Variants in NPAS2 observed in about 807,000 individuals in gnomAD.
The protein encoded by NPAS2 is neuronal PAS domain-containing protein 2.
NPAS2 carries 23 observed loss-of-function variants against 107.5 expected under a neutral mutation model. The observed-to-expected ratio is 0.21, with a 90% CI of 0.15 to 0.30. The LOEUF is 0.30. Ranked by LOEUF, NPAS2 falls within the 10% of genes least tolerant of loss-of-function variation. The pLI, the probability that NPAS2 is intolerant of heterozygous loss-of-function variation, is 1.00. For synonymous variants in NPAS2, 403 were observed against 417.5 expected (o/e 0.97, Z 0.42); for missense variants, 756 against 1,043.3 (o/e 0.72, Z 3.79).
intron 1 of NPAS2, among the ~76,000 whole-genome samples, chr2:100,877,627 T>C (rs552585403): frequency 1.3e-5 from 2 of 152,182 alleles, no homozygotes; most frequent in African/African-American, 4.8e-5. Flanking sequence ...CCTTGTCACT[T>C]GAGAGTATCC....
intron 1 of NPAS2, among the ~76,000 whole-genome samples, chr2:100,835,480 C>G (rs570984291): frequency 6.6e-6 from 1 of 152,132 alleles, no homozygotes; most frequent in East Asian, 1.9e-4. Context: ...CTCCACCCTT[C>G]GGAGGAGGAG....
intron 1 of NPAS2, among the ~76,000 whole-genome samples, chr2:100,851,252 A>G (rs2104473402): frequency 6.6e-6 from 1 of 152,372 alleles, no homozygotes; most frequent in Non-Finnish European, 1.5e-5. Context: ...AACAGTACTG[A>G]GCTGTACACT....
chr2:100,896,375 G>A (rs1268630578), intron 1 of NPAS2, among the ~76,000 whole-genome samples: 2 of 152,082 alleles, frequency 1.3e-5, no homozygotes, highest in African/African-American at 2.4e-5. Context: ...AGGAGGCAGA[G>A]CCCAGGGTCT....
chr2:100,947,837 G>C (rs1461281232), intron 5 of NPAS2, among the ~76,000 whole-genome samples: 1 of 152,238 alleles, frequency 6.6e-6, no homozygotes, highest in Non-Finnish European at 1.5e-5. Context: ...GTCAGGAAAG[G>C]AACCCTGTGG....
Position 100,968,152 on chromosome 2 carries a change from C to A in NPAS2, c.908-129C>A. The A allele has an allele frequency of 1.1e-6, 1 of 931,920 alleles. No homozygotes were observed. The highest frequency in any genetic ancestry group is 1.6e-6 in the Non-Finnish European group (1 of 610,190). 57.7% of individuals were successfully genotyped at this position (931,920 alleles called of 1,614,324 possible). ...CCTGACAGTCACTTAAAATACAGGG[C>A]AACCGGGGAAACAAGCCATGTTTGG... On this transcript the variant is annotated intron_variant, in intron 10 of 20. Coordinates refer to ENST00000335681, the MANE Select transcript of NPAS2 (RefSeq NM_002518.4). The surrounding 1 kb of genome is among the most constrained non-coding windows in gnomAD (Gnocchi z 5.3).
At chr2:100,834,827 T>C (rs1015373732) in intron 1 of NPAS2, among the ~76,000 whole-genome samples, 2 of 152,176 alleles carry the variant, frequency 1.3e-5, no homozygotes, top group African/African-American at 4.8e-5. Flanking sequence ...CCCAAGTAGC[T>C]GGGATTACAG....
intron 3 of NPAS2, among the ~76,000 whole-genome samples, chr2:100,932,061 T>C (rs1683993130): frequency 6.6e-6 from 1 of 152,184 alleles, no homozygotes; most frequent in African/African-American, 2.4e-5. Flanking sequence ...ACCAAGGAAA[T>C]AATCTCTGAA....
At chr2:100,927,742 A>G (rs1214314253) in intron 3 of NPAS2, among the ~76,000 whole-genome samples, 1 of 152,182 alleles carries the variant, frequency 6.6e-6, no homozygotes, top group Non-Finnish European at 1.5e-5. Flanking sequence ...TTGAGCTCAC[A>G]TCTTTCTCAA....
At chr2:100,979,992 CA>C (rs1454440608) in intron 15 of NPAS2, among the ~76,000 whole-genome samples, 4 of 152,124 alleles carry the variant, frequency 2.6e-5, no homozygotes, top group Non-Finnish European at 5.9e-5. Context: ...AAATGAAATC[CA>C]AAATCTGAGG....
chr2:100,948,492 T>C (rs1573694816), intron 6 of NPAS2, 137 bp downstream of exon 6: 2 of 806,826 alleles, frequency 2.5e-6, no homozygotes, highest in East Asian at 2.9e-5. Context: ...CCAAGATCCT[T>C]AGAGGTATAT....
At chr2:100,957,815 C>T (rs1675665336) in intron 7 of NPAS2, among the ~76,000 whole-genome samples, 1 of 152,180 alleles carries the variant, frequency 6.6e-6, no homozygotes, top group Non-Finnish European at 1.5e-5. Context: ...GTAGTCCCAG[C>T]TACTCGGGAG....
At position 100,851,320 on chromosome 2, in the gene NPAS2, A is replaced by G. The variant is rs150218586; in HGVS notation, c.-23+30906A>G. Among the ~76,000 whole-genome samples, 307 of 152,354 alleles carry G rather than the reference A, an allele frequency of 2.0e-3. 1 individual carries two copies. The highest frequency in any genetic ancestry group is 6.9e-3 in the African/African-American group (285 of 41,586). ...TATGTCTTTTACCACAATTTTTAAA[A>G]ATCAAAAATCCTGAAAGGTACTTCC... On this transcript the variant is annotated intron_variant, in intron 1 of 20. Coordinates refer to ENST00000335681, the MANE Select transcript of NPAS2 (RefSeq NM_002518.4).
At chr2:100,927,225 C>T (rs974325489) in intron 3 of NPAS2, among the ~76,000 whole-genome samples, 3 of 152,050 alleles carry the variant, frequency 2.0e-5, no homozygotes, top group East Asian at 1.9e-4. Flanking sequence ...TGAGCCACCA[C>T]GCCCAGCCTA....
At chr2:100,884,716 A>T (rs1314585774) in intron 1 of NPAS2, among the ~76,000 whole-genome samples, 2 of 152,138 alleles carry the variant, frequency 1.3e-5, no homozygotes, top group Admixed American at 6.6e-5. Flanking sequence ...ACATGAACAT[A>T]GTTTCTCCAG....
At chr2:100,870,196 G>C (rs991043024) in intron 1 of NPAS2, among the ~76,000 whole-genome samples, 4 of 152,012 alleles carry the variant, frequency 2.6e-5, no homozygotes, top group African/African-American at 9.7e-5. Flanking sequence ...ACCGCACCTG[G>C]CCCAGACTCC....
At chr2:100,854,867 T>C (rs552213636) in intron 1 of NPAS2, among the ~76,000 whole-genome samples, 77 of 152,350 alleles carry the variant, frequency 5.1e-4, no homozygotes, top group African/African-American at 1.8e-3. Context: ...AGTGTGGCTA[T>C]TGAGACGCTG....
chr2:100,903,196 C>T (rs1236675708), intron 1 of NPAS2, among the ~76,000 whole-genome samples: 1 of 152,192 alleles, frequency 6.6e-6, no homozygotes, highest in African/African-American at 2.4e-5. Flanking sequence ...TGCTCATGCC[C>T]TGGGGCTTTG....
chr2:100,854,940 T>G (rs1047836842), intron 1 of NPAS2, among the ~76,000 whole-genome samples: 1 of 152,202 alleles, frequency 6.6e-6, no homozygotes, highest in African/African-American at 2.4e-5. Flanking sequence ...AAGTGCATAC[T>G]GGATTTAAAA....
chr2:100,995,369 C>T (rs1392185818), intron 20 of NPAS2, 31 bp from the exon 21 acceptor site: 1 of 1,588,284 alleles, frequency 6.3e-7, no homozygotes, highest in African/African-American at 1.3e-5. Context: ...ATCAGAACCA[C>T]CTCTGAAGCC....
Sources: gnomAD v4.1 joint callset for allele counts (sites outside exome capture counted in the v4.1 genomes callset) on GRCh38, gnomAD v4.1.1 for gene constraint, Gnocchi (gnomAD v3.1) non-coding constraint, MANE v1.5 for transcripts, NCBI Gene and HGNC (gene_info 2026-07-23, HGNC 2026-07-21) for gene names.